STPG4: variants seen among roughly 807,000 people sequenced by gnomAD.
STPG4 encodes protein STPG4.
A neutral mutation model predicts 31.5 loss-of-function variants in STPG4; 41 were observed. The observed-to-expected ratio is 1.30, with a 90% CI of 1.01 to 1.69. The LOEUF (loss-of-function observed/expected upper bound fraction) is 1.69, where lower values mean the gene tolerates loss of function less well. Among genes scored for constraint, STPG4 ranks in the 40% most tolerant of loss-of-function variants. STPG4 has a pLI of 0.00. For synonymous variants in STPG4, 141 were observed against 103.0 expected (o/e 1.37, Z -2.24); for missense variants, 375 against 293.4 (o/e 1.28, Z -2.03).
At chr2:47,107,361 C>T (rs1391692560) in intron 5 of STPG4, among the ~76,000 whole-genome samples, 1 of 152,148 alleles carries the variant, frequency 6.6e-6, no homozygotes, top group South Asian at 2.1e-4. Context: ...GCTTGGTGGG[C>T]CCCGCACTCG....
At chr2:47,119,594 T>G (rs536435421) in intron 5 of STPG4, among the ~76,000 whole-genome samples, 1 of 152,342 alleles carries the variant, frequency 6.6e-6, no homozygotes, top group South Asian at 2.1e-4. Flanking sequence ...AGAAAAAACT[T>G]GGTGTCCTAA....
At chr2:47,095,569 T>G (rs1364107438) in intron 5 of STPG4, among the ~76,000 whole-genome samples, 1 of 152,186 alleles carries the variant, frequency 6.6e-6, no homozygotes, top group Non-Finnish European at 1.5e-5. Context: ...CTGTGGTACT[T>G]TGTTATGGCA....
chr2:47,130,126 T>C (rs1686446488), intron 4 of STPG4, 70 bp downstream of exon 4: 2 of 1,516,710 alleles, frequency 1.3e-6, no homozygotes, highest in Admixed American at 1.7e-5. Context: ...AAATGAGGTT[T>C]AAAAGCCAGG....
intron 3 of STPG4, among the ~76,000 whole-genome samples, chr2:47,130,762 G>A (rs1356431797): frequency 6.6e-6 from 1 of 152,104 alleles, no homozygotes; most frequent in African/African-American, 2.4e-5. Context: ...TGATCCACCT[G>A]CCTCAGCCTC....
At chr2:47,099,015 G>A (rs941462327) in intron 5 of STPG4, among the ~76,000 whole-genome samples, 5 of 152,214 alleles carry the variant, frequency 3.3e-5, no homozygotes, top group African/African-American at 1.2e-4. Context: ...AGTAATTGGC[G>A]ATACCTCTGA....
intron 3 of STPG4, among the ~76,000 whole-genome samples, chr2:47,136,921 A>G (rs987745180): frequency 2.0e-5 from 3 of 152,194 alleles, no homozygotes; most frequent in African/African-American, 7.2e-5. Flanking sequence ...ATAGGCAATC[A>G]TGTTATCTGT....
chr2:47,153,991 C>A (rs1374002373), intron 1 of STPG4, among the ~76,000 whole-genome samples: 1 of 152,094 alleles, frequency 6.6e-6, no homozygotes, highest in African/African-American at 2.4e-5. Flanking sequence ...GCCCATTGTC[C>A]ACAGAACACA....
chr2:47,129,186 T>G (rs1225101038), intron 5 of STPG4: 1 of 152,154 alleles, frequency 6.6e-6, no homozygotes, highest in Non-Finnish European at 1.5e-5. Flanking sequence ...CTCTCCCCTC[T>G]CCTCCTCTCA....
intron 5 of STPG4, among the ~76,000 whole-genome samples, chr2:47,125,496 A>C (rs1686347764): frequency 6.6e-6 from 1 of 152,152 alleles, no homozygotes; most frequent in African/African-American, 2.4e-5. Context: ...TGTCAGACGG[A>C]TAGTTTGCAA....
chr2:47,137,311 G>C (rs1686616121), intron 3 of STPG4, among the ~76,000 whole-genome samples: 1 of 152,132 alleles, frequency 6.6e-6, no homozygotes, highest in African/African-American at 2.4e-5. Context: ...AGCCAGCATT[G>C]CATACCTGGG....
intron 3 of STPG4, among the ~76,000 whole-genome samples, chr2:47,150,573 TC>T (rs1330733974): frequency 2.0e-5 from 3 of 151,420 alleles, no homozygotes; most frequent in Non-Finnish European, 4.4e-5. Context: ...TGGGGTACAG[TC>T]ATATAATCAT....
chr2:47,107,719 A>ACTGGGTGAAGCCAGCTGGGCTCCTGAGT (rs1685946961), intron 5 of STPG4, among the ~76,000 whole-genome samples: 1 of 152,158 alleles, frequency 6.6e-6, no homozygotes, highest in Non-Finnish European at 1.5e-5. Flanking sequence ...TGCGGGATCC[A>ACTGGGTGAAGCCAGCTGGGCTCCTGAGT]CTGGGTGAAG....
At chr2:47,128,506 C>T (rs1049828856) in intron 5 of STPG4, among the ~76,000 whole-genome samples, 2 of 152,100 alleles carry the variant, frequency 1.3e-5, no homozygotes, top group East Asian at 1.9e-4. Context: ...TAAGCTGGCA[C>T]CCAAGCCAGA....
chr2:47,132,345 G>C (rs1394359225), intron 3 of STPG4, among the ~76,000 whole-genome samples: 2 of 152,092 alleles, frequency 1.3e-5, no homozygotes, highest in East Asian at 3.8e-4. Context: ...TTATTTTTAT[G>C]TCAGATTTTA....
intron 6 of STPG4, among the ~76,000 whole-genome samples, chr2:47,089,467 G>A (rs531821784): frequency 2.0e-5 from 3 of 152,238 alleles, no homozygotes; most frequent in South Asian, 2.1e-4. Flanking sequence ...CCTACCCACC[G>A]CTCCAACTTC....
chr2:47,115,272 G>T (rs1295396097), intron 5 of STPG4, among the ~76,000 whole-genome samples: 1 of 151,634 alleles, frequency 6.6e-6, no homozygotes, highest in Admixed American at 6.6e-5. Context: ...CTTTCAGCTT[G>T]CTGCACAGTG....
chr2:47,119,340 T>C (rs1686219309), intron 5 of STPG4, among the ~76,000 whole-genome samples: 1 of 152,210 alleles, frequency 6.6e-6, no homozygotes. Context: ...TAAAATGGAA[T>C]GGATGAGGTG....
At chr2:47,131,169 C>T (rs1296255034) in intron 3 of STPG4, among the ~76,000 whole-genome samples, 1 of 151,604 alleles carries the variant, frequency 6.6e-6, no homozygotes, top group African/African-American at 2.4e-5. Flanking sequence ...CTCTGTTGCC[C>T]ACGGTGGAGT....
At chr2:47,112,481 A>G (rs1431018912) in intron 5 of STPG4, among the ~76,000 whole-genome samples, 1 of 152,018 alleles carries the variant, frequency 6.6e-6, no homozygotes, top group Non-Finnish European at 1.5e-5. Context: ...AACCTTTGAG[A>G]TTGTATGTAT....
Sources: gnomAD v4.1 joint callset for allele counts (sites outside exome capture counted in the v4.1 genomes callset) on GRCh38, gnomAD v4.1.1 for gene constraint, MANE v1.5 for transcripts, NCBI Gene and HGNC (gene_info 2026-07-23, HGNC 2026-07-21) for gene names.